MRTFB: variants seen among roughly 807,000 people sequenced by gnomAD.
MRTFB encodes the protein myocardin-related transcription factor B.
In MRTFB, 29 loss-of-function variants were observed where a neutral mutation model predicts 104.2. That is an observed-to-expected ratio of 0.28 (90% CI 0.21 to 0.38). MRTFB has a LOEUF of 0.38. Among genes scored for constraint, MRTFB ranks in the 10% least tolerant of loss-of-function variants. MRTFB has a pLI of 1.00. For synonymous variants in MRTFB, 535 were observed against 519.5 expected (o/e 1.03, Z -0.41); for missense variants, 1,270 against 1,341.6 (o/e 0.95, Z 0.83).
intron 2 of MRTFB, among the ~76,000 whole-genome samples, chr16:14,097,292 A>C (rs1037937657): frequency 2.0e-5 from 3 of 152,224 alleles, no homozygotes; most frequent in Non-Finnish European, 2.9e-5. Context: ...TTAAGTGACC[A>C]AGCATTCAGT....
intron 3 of MRTFB, among the ~76,000 whole-genome samples, chr16:14,205,915 C>T (rs1393729955): frequency 6.6e-6 from 1 of 152,204 alleles, no homozygotes; most frequent in Admixed American, 6.5e-5. Flanking sequence ...GAGGCCATTG[C>T]CAGACTGCCT....
chr16:14,044,698 T>C, the MRTFB span, among the ~76,000 whole-genome samples: 1 of 152,192 alleles, frequency 6.6e-6, no homozygotes. Context: ...AACTAGAACC[T>C]GCCAATGAAT....
At chr16:14,251,104 C>T (rs1379732570) in intron 13 of MRTFB, among the ~76,000 whole-genome samples, 8 of 152,006 alleles carry the variant, frequency 5.3e-5, no homozygotes, top group South Asian at 4.2e-4. Flanking sequence ...AGGCCGGGCG[C>T]GGTGGCTCAA....
At chr16:14,066,645 T>C (rs2141733175), upstream of MRTFB, among the ~76,000 whole-genome samples, 1 of 151,660 alleles carries the variant, frequency 6.6e-6, no homozygotes, top group East Asian at 2.0e-4. Flanking sequence ...CTTAAACCTT[T>C]AGGGGTGTGC....
intron 3 of MRTFB, among the ~76,000 whole-genome samples, chr16:14,178,939 C>T (rs1408262402): frequency 6.6e-6 from 1 of 152,108 alleles, no homozygotes; most frequent in East Asian, 1.9e-4. Context: ...GATGGGGTTT[C>T]ACCATGTTGC....
intron 2 of MRTFB, among the ~76,000 whole-genome samples, chr16:14,082,954 A>G (rs1008395093): frequency 1.1e-4 from 17 of 152,132 alleles, no homozygotes; most frequent in Non-Finnish European, 4.4e-5. Context: ...TTTGGGTAGT[A>G]TGGTCATTTT....
chr16:14,106,199 A>T (rs1411526687), intron 2 of MRTFB, among the ~76,000 whole-genome samples: 1 of 152,182 alleles, frequency 6.6e-6, no homozygotes, highest in East Asian at 1.9e-4. Context: ...AAACAGACAC[A>T]TGGACTAGAG....
chr16:14,175,756 C>G (rs1273583019), intron 3 of MRTFB, among the ~76,000 whole-genome samples: 2 of 152,084 alleles, frequency 1.3e-5, no homozygotes, highest in African/African-American at 4.8e-5. Context: ...TATGGTATAT[C>G]CATACAGCGG....
chr16:14,202,354 T>C (rs909275788), intron 3 of MRTFB, among the ~76,000 whole-genome samples: 2 of 152,188 alleles, frequency 1.3e-5, no homozygotes, highest in African/African-American at 4.8e-5. Flanking sequence ...TTAAAATCTC[T>C]TTTTATGTGC....
Position 14,261,709 on chromosome 16 carries a change from G to A in MRTFB, c.*265G>A, listed in dbSNP as rs1196872355. The A allele has an allele frequency of 2.6e-6, 1 of 391,042 alleles. No individual in the cohort carries two copies. The highest frequency in any genetic ancestry group is 2.0e-5 in the African/African-American group (1 of 48,836). 24.2% of individuals were successfully genotyped at this position (391,042 alleles called of 1,614,324 possible). On this transcript the variant is annotated 3_prime_UTR_variant, in exon 17 of 17. Coordinates refer to ENST00000571589, the MANE Select transcript of MRTFB (RefSeq NM_001308142.2). The stretch of plus-strand genomic sequence containing the variant: ...GACTCATCTATTTCTCCAGACTTCA[G>A]TAAAGAATGAAAAGTACCTTTAGAT...
At chr16:14,142,245 CTTTTT>C (rs71999049) in intron 3 of MRTFB, 4 of 122,182 alleles carry the variant, frequency 3.3e-5, no homozygotes, top group South Asian at 2.8e-4. Flanking sequence ...TCTTTTCTTT[CTTTTT>C]TTTTTTTTTT....
At chr16:14,207,361 T>G (rs1013114512) in intron 3 of MRTFB, among the ~76,000 whole-genome samples, 1 of 152,228 alleles carries the variant, frequency 6.6e-6, no homozygotes, top group African/African-American at 2.4e-5. Context: ...TAATTGGTGG[T>G]TGGTGTCTAC....
chr16:14,176,070 G>T (rs906520932), intron 3 of MRTFB, among the ~76,000 whole-genome samples: 1 of 152,128 alleles, frequency 6.6e-6, no homozygotes, highest in African/African-American at 2.4e-5. Flanking sequence ...ACTTTAAATG[G>T]ATGCACCTTA....
intron 8 of MRTFB, among the ~76,000 whole-genome samples, chr16:14,220,133 G>A (rs2041620336): frequency 6.6e-6 from 1 of 152,170 alleles, no homozygotes. Context: ...AGTAGTATGA[G>A]GGTCAGTGAC....
chr16:14,061,166 C>A, the MRTFB span, among the ~76,000 whole-genome samples: 1 of 151,826 alleles, frequency 6.6e-6, no homozygotes, highest in East Asian at 1.9e-4. Context: ...CAAAAAAAAA[C>A]ACCAAAGTTT....
chr16:14,076,400 A>C (rs1258967643), intron 1 of MRTFB, among the ~76,000 whole-genome samples: 1 of 152,098 alleles, frequency 6.6e-6, no homozygotes, highest in East Asian at 1.9e-4. Flanking sequence ...TCTCCATGTT[A>C]GCCAGGCTGG....
intron 2 of MRTFB, among the ~76,000 whole-genome samples, chr16:14,080,333 AC>A: frequency 6.6e-6 from 1 of 152,306 alleles, no homozygotes; most frequent in East Asian, 1.9e-4. Flanking sequence ...TGTATATGTA[AC>A]TTTTTTCCAA....
the MRTFB span, among the ~76,000 whole-genome samples, chr16:14,018,131 C>G: frequency 6.6e-6 from 1 of 152,056 alleles, no homozygotes; most frequent in East Asian, 1.9e-4. Flanking sequence ...GAAATCCACC[C>G]TCAGTCTCTA....
chr16:14,023,231 A>C, the MRTFB span, among the ~76,000 whole-genome samples: 1 of 152,038 alleles, frequency 6.6e-6, no homozygotes, highest in Non-Finnish European at 1.5e-5. Context: ...TGAGCCCAGG[A>C]GTTCAAGACC....
Sources: gnomAD v4.1 joint callset for allele counts (sites outside exome capture counted in the v4.1 genomes callset) on GRCh38, gnomAD v4.1.1 for gene constraint, MANE v1.5 for transcripts, NCBI Gene and HGNC (gene_info 2026-07-23, HGNC 2026-07-21) for gene names.